The following AGAP3 variants were observed in gnomAD, a reference collection of about 807,000 sequenced individuals.
AGAP3 encodes the protein arf-GAP with GTPase, ANK repeat and PH domain-containing protein 3.
AGAP3 carries 24 observed loss-of-function variants against 96.9 expected under a neutral mutation model. The observed-to-expected ratio is 0.25, with a 90% CI of 0.18 to 0.35. The LOEUF is 0.35. AGAP3 is among the 10% of genes least tolerant of loss of function. The pLI, the probability that AGAP3 is intolerant of heterozygous loss-of-function variation, is 1.00. For missense variants in AGAP3, 876 were observed against 1,254.2 expected, an observed-to-expected ratio of 0.70 and a Z score of 4.55; for synonymous variants, 563 against 536.1, an observed-to-expected ratio of 1.05 and a Z score of -0.69.
At chr7:151,098,712 T>C (rs962133925) in intron 1 of AGAP3, among the ~76,000 whole-genome samples, 5 of 150,390 alleles carry the variant, frequency 3.3e-5, no homozygotes, top group African/African-American at 1.2e-4. Flanking sequence ...AAGTGTATCC[T>C]CTTTGATTCA....
Position 151,114,874 on chromosome 7 carries a change from C to G in AGAP3, c.332-1919C>G. On this transcript the variant is annotated intron_variant, in intron 1 of 17. Coordinates refer to ENST00000397238, the MANE Select transcript of AGAP3 (RefSeq NM_031946.7). This position sits in a 1 kb window ranked among gnomAD's most constrained non-coding sequence, Gnocchi z 4.4. ...GACTCGCTGGACCTGCACGGCGCCT[C>G]GGCCGGCCGCGCTGCCGCCGCCCTG... The G allele has an allele frequency of 9.9e-7, 1 of 1,012,130 alleles. No individual in the cohort carries two copies. Among genetic ancestry groups the G allele is most frequent in the Non-Finnish European group, 1.2e-6 (1 of 850,200 alleles). The allele number at this position is 1,012,130 out of a possible 1,614,324, so 62.7% of individuals were successfully genotyped here. A position where few individuals can be genotyped will look rare whatever the true frequency, so the allele number is the denominator to read the frequency against.
chr7:151,115,328 C>T, intron 1 of AGAP3: 6 of 1,013,338 alleles, frequency 5.9e-6, no homozygotes, highest in Non-Finnish European at 7.1e-6. Context: ...TGGCGGCGCT[C>T]AGGAAGAGCT....
intron 1 of AGAP3, among the ~76,000 whole-genome samples, chr7:151,092,187 G>A (rs1046436022): frequency 4.6e-5 from 7 of 152,178 alleles, no homozygotes; most frequent in African/African-American, 1.4e-4. Context: ...CACACCGCTC[G>A]TTTGTGCTTG....
At chr7:151,134,702 C>A in intron 11 of AGAP3, 134 bp downstream of exon 11, 1 of 938,534 alleles carries the variant, frequency 1.1e-6, no homozygotes, top group Non-Finnish European at 1.6e-6. Flanking sequence ...GTCATCTCAG[C>A]CAAAGACATG....
At position 151,143,176 on chromosome 7, in the gene AGAP3, G is replaced by C. The variant is rs73727483; in HGVS notation, c.2274-165G>C. 0.011 allele frequency among the ~76,000 whole-genome samples: 1,616 copies of C among 152,214 alleles called. 30 individuals are homozygous for C. The highest frequency in any genetic ancestry group is 0.037 in the African/African-American group (1,529 of 41,504). ...TACCCACTGCCCCTCTGTGTGCCTGGAGTTTCCAAGGCTTCTCTCCTTCCT... is the reference window on the plus strand; with the variant it reads ...TACCCACTGCCCCTCTGTGTGCCTGCAGTTTCCAAGGCTTCTCTCCTTCCT... On this transcript the variant is annotated intron_variant, in intron 16 of 17. Transcript: ENST00000397238. The surrounding 1 kb of genome is among the most constrained non-coding windows in gnomAD (Gnocchi z 5.9).
At chr7:151,110,428 T>A (rs1209258533) in intron 1 of AGAP3, among the ~76,000 whole-genome samples, 1 of 145,990 alleles carries the variant, frequency 6.8e-6, no homozygotes, top group Non-Finnish European at 1.5e-5. Flanking sequence ...GCCCGGGAGG[T>A]GTCAAGGCTG....
chr7:151,091,528 C>A (rs918163421), intron 1 of AGAP3, among the ~76,000 whole-genome samples: 1 of 152,198 alleles, frequency 6.6e-6, no homozygotes, highest in African/African-American at 2.4e-5. Context: ...AAGGTCTGGG[C>A]TTGGTGCACC....
At chr7:151,092,183 G>A (rs796397428) in intron 1 of AGAP3, among the ~76,000 whole-genome samples, 23 of 152,276 alleles carry the variant, frequency 1.5e-4, no homozygotes, top group African/African-American at 5.5e-4. Flanking sequence ...CATCCACACC[G>A]CTCGTTTGTG....
At chr7:151,111,100 T>TG (rs1308388389) in intron 1 of AGAP3, among the ~76,000 whole-genome samples, 4 of 152,128 alleles carry the variant, frequency 2.6e-5, no homozygotes, top group Non-Finnish European at 4.4e-5. Context: ...CAGCCAGTCC[T>TG]GGGGGGCGAA....
intron 1 of AGAP3, among the ~76,000 whole-genome samples, chr7:151,102,734 G>C (rs540302434): frequency 6.6e-6 from 1 of 151,992 alleles, no homozygotes; most frequent in South Asian, 2.1e-4. Context: ...TCCCACCTCA[G>C]CCTCCCAAGT....
chr7:151,090,948 AAAAACAAAAAC>A lies in AGAP3; in HGVS notation c.331+3886_331+3896del, dbSNP rs368518694. ...AACAGAGCAAGACTCCGTCTCAAAA[AAAAACAAAAAC>A]AAAACAAAACAAAACGGCATACGCC... On this transcript the variant is annotated intron_variant, in intron 1 of 17. Coordinates refer to ENST00000397238, the MANE Select transcript of AGAP3 (RefSeq NM_031946.7). Among the ~76,000 whole-genome samples the A allele has an allele frequency of 3.2e-4, 48 of 152,316 alleles. No homozygotes were observed. In the East Asian group the frequency reaches 6.7e-3, roughly 21 times the overall value.
intron 1 of AGAP3, 149 bp from the exon 2 acceptor site, chr7:151,116,644 A>G: frequency 1.3e-6 from 1 of 774,020 alleles, no homozygotes; most frequent in Non-Finnish European, 2.2e-6. Flanking sequence ...CTCCTGGGGA[A>G]CTAGGGGTGA....
rs2150480399 is a variant in AGAP3, at chr7:151,120,027, C to T, written c.1010C>T (p.Ser337Phe). 6.2e-7 allele frequency: 1 copy of T among 1,613,968 alleles called. No homozygotes were observed. Among genetic ancestry groups the T allele is most frequent in the Non-Finnish European group, 8.5e-7 (1 of 1,179,934 alleles). The change falls in exon 8 of 18, where the codon TCC becomes TTC. Residue 337 changes from serine to phenylalanine, a missense_variant. Physicochemically the swap from Ser to Phe is radical, Grantham distance 155 (BLOSUM62 -2). Coordinates refer to ENST00000397238, the MANE Select transcript of AGAP3 (RefSeq NM_031946.7). ...GGCAGCGCCTTCAGCGACTACTCGT[C>T]CTCAGTCCCCTCCACCCCCAGCATC... ...GGGSAFSDYS[S>F]SVPSTPSISQ... is the part of the protein sequence containing the mutation.
chr7:151,092,333 C>T (rs958557281), intron 1 of AGAP3, among the ~76,000 whole-genome samples: 2 of 152,186 alleles, frequency 1.3e-5, no homozygotes, highest in South Asian at 2.1e-4. Context: ...CTCCCATGTC[C>T]GTGTGTGGCA....
chr7:151,113,282 G>A (rs758924860), intron 1 of AGAP3, among the ~76,000 whole-genome samples: 2 of 152,190 alleles, frequency 1.3e-5, no homozygotes, highest in Non-Finnish European at 2.9e-5. Context: ...CTTCCATTGT[G>A]GGGGGAACAT....
chr7:151,115,868 C>T (rs1330734255), intron 1 of AGAP3, among the ~76,000 whole-genome samples: 1 of 152,194 alleles, frequency 6.6e-6, no homozygotes. Context: ...GGAGACTCAC[C>T]AGAGTCAGAG....
rs1374652948 is a variant in AGAP3 at position 151,117,118 on chromosome 7, C to T, written c.414C>T (p.Ser138=). The T allele has an allele frequency of 5.0e-6, 8 of 1,614,110 alleles. No individual in the cohort carries two copies. Among genetic ancestry groups the T allele is most frequent in the Non-Finnish European group, 5.9e-6 (7 of 1,179,976 alleles). The change falls in exon 3 of 18, where the codon AGC becomes AGT. Residue 138 remains serine, a synonymous_variant. Transcript: ENST00000397238. Reference sequence around the variant, plus strand: ...AGGGCATAGTGGGGAACCTGTCTAGCGGGAAGTCAGCCCTGGTGCACCGCT... The same window carrying T: ...AGGGCATAGTGGGGAACCTGTCTAGTGGGAAGTCAGCCCTGGTGCACCGCT... ...LKVGIVGNLS[S]GKSALVHRYL... is the part of the protein sequence containing the mutation.
chr7:151,123,172 C>CGTTCCTG, intron 8 of AGAP3: 1 of 1,067,296 alleles, frequency 9.4e-7, no homozygotes, highest in Non-Finnish European at 1.1e-6. Flanking sequence ...GGACCTCTGC[C>CGTTCCTG]GTTCCTGCTC....
intron 1 of AGAP3, among the ~76,000 whole-genome samples, chr7:151,094,698 A>G (rs1315610631): frequency 6.6e-6 from 1 of 151,892 alleles, no homozygotes; most frequent in African/African-American, 2.4e-5. Context: ...TTCTTTTTGT[A>G]AAAATGGGGT....
Sources: gnomAD v4.1 joint callset for allele counts (sites outside exome capture counted in the v4.1 genomes callset) on GRCh38, gnomAD v4.1.1 for gene constraint, Gnocchi (gnomAD v3.1) non-coding constraint, MANE v1.5 for transcripts, NCBI Gene and HGNC (gene_info 2026-07-23, HGNC 2026-07-21) for gene names.